LLGL1: variants seen among roughly 807,000 people sequenced by gnomAD.
The protein encoded by LLGL1 is LLGL scribble cell polarity complex component 1.
A neutral mutation model predicts 110.6 loss-of-function variants in LLGL1; 58 were observed. The observed-to-expected ratio is 0.52, with a 90% confidence interval of 0.42 to 0.65. The LOEUF (loss-of-function observed/expected upper bound fraction) is 0.65, where lower values mean the gene tolerates loss of function less well. Among genes scored for constraint, LLGL1 ranks in the 30% least tolerant of loss-of-function variants. LLGL1 has a pLI of 0.00. For synonymous variants in LLGL1, 674 were observed against 607.2 expected, an observed-to-expected ratio of 1.11 and a Z score of -1.62; for missense variants, 1,229 against 1,462.1, an observed-to-expected ratio of 0.84 and a Z score of 2.60.
rs747293622 is a variant in LLGL1, at chr17:18,238,510, A to G, written c.2107A>G (p.Met703Val). The change falls in exon 16 of 23, where the codon ATG becomes GTG. Residue 703 changes from methionine to valine, a missense_variant. Physicochemically the swap from Met to Val is conservative, Grantham distance 21. Transcript: ENST00000316843. ...GCAGGCCTGCCCCCACGACGTGGAG[A>G]TGACGCCCGTGCAGCGCCGCATTGA... ...AEQACPHDVE[M>V]TPVQRRIEPR... 5 of 1,612,482 alleles carry G rather than the reference A, an allele frequency of 3.1e-6. No homozygotes were observed. Among genetic ancestry groups the G allele is most frequent in the Non-Finnish European group, 3.4e-6 (4 of 1,180,006 alleles).
At position 18,225,716 on chromosome 17, in the gene LLGL1, G is replaced by T; in HGVS notation, c.34G>T (p.Asp12Tyr). Residue 12 changes from aspartate (D) to tyrosine (Y), a missense_variant, in exon 1 of 23, where the codon GAC (aspartate) becomes TAC (tyrosine). Transcript: ENST00000316843. Reference protein sequence around the residue: ...MKFRFRRQGADPQREKLKQEL... With the variant: ...MKFRFRRQGAYPQREKLKQEL... ...GTTTCGGTTCCGGCGGCAGGGCGCC[G>T]ACCCGCAGCGCGAGAAGCTCAAGCA... 2 of 1,049,360 alleles carry T rather than the reference G, an allele frequency of 1.9e-6. No homozygotes were observed. Among genetic ancestry groups the T allele is most frequent in the South Asian group, 2.7e-5 (1 of 36,894 alleles). 65.0% of individuals were successfully genotyped at this position (1,049,360 alleles called of 1,614,324 possible).
chr17:18,242,896 G>A lies in LLGL1; in HGVS notation c.*1+74G>A, dbSNP rs1249248621. On this transcript the variant is annotated intron_variant, in intron 22 of 22. Coordinates refer to ENST00000316843, the MANE Select transcript of LLGL1 (RefSeq NM_004140.4). ...CCTTCAGCCCGTCTGGGTACCATTT[G>A]GCCCTGGTCTTCTACCTGAGACCCT... is the stretch of plus-strand genomic sequence containing the variant. The A allele has an allele frequency of 2.2e-5, 31 of 1,387,484 alleles. No individual in the cohort carries two copies. The South Asian group carries it at 2.8e-4, about 12-fold the overall frequency. 85.9% of individuals were successfully genotyped at this position (1,387,484 alleles called of 1,614,324 possible).
chr17:18,238,743 A>C, intron 16 of LLGL1, 134 bp downstream of exon 16: 3 of 898,016 alleles, frequency 3.3e-6, no homozygotes, highest in Non-Finnish European at 5.1e-6. Flanking sequence ...ACGGTGGCTC[A>C]AGCCTGTGAG....
In LLGL1 at chr17:18,238,200, A is replaced by G. The variant is rs2047739649; in HGVS notation, c.2038A>G (p.Asn680Asp). The change falls in exon 15 of 23, where the codon AAT (asparagine) becomes GAT (aspartate). Residue 680 changes from asparagine (N) to aspartate (D), a missense_variant. Asn to Asp is a conservative substitution (Grantham distance 23). Transcript: ENST00000316843. ...SRVSGKKRAA[N>D]ASSKLQEANA... is the part of the protein sequence containing the mutation. ...TGTCTCTGGCAAGAAGCGGGCTGCT[A>G]ATGCCAGCAGCAAGGTGAGCTGGGG... 6.2e-7 allele frequency: 1 copy of G among 1,611,602 alleles called. No homozygotes were observed. The highest frequency in any genetic ancestry group is 8.5e-7 in the Non-Finnish European group (1 of 1,180,018).
intron 20 of LLGL1, 23 bp from the exon 21 acceptor site, chr17:18,242,485 G>T: frequency 6.2e-7 from 1 of 1,613,660 alleles, no homozygotes; most frequent in African/African-American, 1.3e-5. Flanking sequence ...TCCTGGTAGG[G>T]GCTGATGACT....
At chr17:18,237,899 C>A in intron 14 of LLGL1, 126 bp downstream of exon 14, 1 of 1,295,510 alleles carries the variant, frequency 7.7e-7, no homozygotes, top group Non-Finnish European at 1.1e-6. Flanking sequence ...AAGAAATAAC[C>A]TGGCAGCTCC....
chr17:18,237,410 T>A, intron 13 of LLGL1, 71 bp from the exon 14 acceptor site: 1 of 1,427,990 alleles, frequency 7.0e-7, no homozygotes, highest in Non-Finnish European at 9.3e-7. Flanking sequence ...CTTCAGAGGC[T>A]CCAGGCTGAG....
chr17:18,227,806 C>T (rs60814048), intron 1 of LLGL1, among the ~76,000 whole-genome samples: 5,267 of 152,238 alleles, frequency 0.035, 272 homozygotes, highest in African/African-American at 0.11. Flanking sequence ...AAGGGCCCTC[C>T]GCTGAGGATG....
chr17:18,236,112 C>T (rs999577914), intron 11 of LLGL1: 4 of 179,878 alleles, frequency 2.2e-5, no homozygotes, highest in South Asian at 2.5e-4. Context: ...CCCAAGGCTG[C>T]GCCCTAGATT....
At position 18,232,634 on chromosome 17, in the gene LLGL1, CT is replaced by C. The variant is rs1292103694; in HGVS notation, c.262-37del. The C allele has an allele frequency of 3.1e-6, 5 of 1,613,880 alleles. No homozygotes were observed. In the African/African-American group the frequency reaches 5.3e-5, roughly 17 times the overall value. On this transcript the variant is annotated intron_variant, in intron 3 of 22. Transcript: ENST00000316843. ...GTGGCCCCCATATCTACTCATCCCC[CT>C]AGGCCAGCCTAGTTTTCATCTCTGC...
In LLGL1 at chr17:18,241,530, C is replaced by T. The variant is rs746164885; in HGVS notation, c.2582C>T (p.Ala861Val). 1 of 1,613,846 alleles carries T rather than the reference C, an allele frequency of 6.2e-7. No homozygotes were observed. The highest frequency in any genetic ancestry group is 1.1e-5 in the South Asian group (1 of 91,090). ...GAGGGCTGTCGTGTGCGCAAGGTGG[C>T]ACTGGCCACGTTTGCCAGTGTGGCC... is the stretch of plus-strand genomic sequence containing the variant. Reference protein sequence around the residue: ...AHEGCRVRKVALATFASVACE... With the variant: ...AHEGCRVRKVVLATFASVACE... Residue 861 changes from alanine to valine, a missense_variant, in exon 18 of 23, where the codon GCA becomes GTA. Coordinates refer to ENST00000316843, the MANE Select transcript of LLGL1 (RefSeq NM_004140.4).
intron 1 of LLGL1, among the ~76,000 whole-genome samples, chr17:18,227,722 G>A (rs971063650): frequency 1.3e-5 from 2 of 152,234 alleles, no homozygotes; most frequent in African/African-American, 2.4e-5. Flanking sequence ...GTGAATTGGG[G>A]TGTGCAGTGG....
intron 4 of LLGL1, among the ~76,000 whole-genome samples, chr17:18,233,535 G>GTCTGCA (rs2047616191): frequency 6.6e-6 from 1 of 152,144 alleles, no homozygotes; most frequent in African/African-American, 2.4e-5. Flanking sequence ...TGGGTGGGAG[G>GTCTGCA]AGCTGGGAGC....
chr17:18,235,617 G>T (rs1162871697), intron 11 of LLGL1, 80 bp downstream of exon 11: 2 of 1,431,560 alleles, frequency 1.4e-6, no homozygotes, highest in East Asian at 4.6e-5. Flanking sequence ...GGGTGCAGAG[G>T]TGCCAGGAGA....
At position 18,242,805 on chromosome 17, in the gene LLGL1, C is replaced by T. The variant is rs918103135; in HGVS notation, c.3179C>T (p.Ala1060Val). The change falls in exon 22 of 23, where the codon GCC becomes GTC. Residue 1060 changes from alanine (A) to valine (V), a missense_variant. Physicochemically the swap from Ala to Val is moderately conservative, Grantham distance 64. Transcript: ENST00000316843. ...GCAGAAGACGAGGCCCACGCCTGTG[C>T]CATCCTGATCAAATGAGGTGCTGCA... Reference protein sequence around the residue: ...NLAEDEAHACAILIK With the variant: ...NLAEDEAHACVILIK The T allele has an allele frequency of 6.4e-7, 1 of 1,556,322 alleles. No homozygotes were observed. The highest frequency in any genetic ancestry group is 8.7e-7 in the Non-Finnish European group (1 of 1,149,982).
chr17:18,229,382 C>G (rs118000689), intron 1 of LLGL1, among the ~76,000 whole-genome samples: 2,867 of 152,264 alleles, frequency 0.019, 53 homozygotes, highest in Non-Finnish European at 0.031. Context: ...CTCTCTGGGC[C>G]TCTGTCTCCC....
At chr17:18,239,114 C>G (rs184506354) in intron 16 of LLGL1, among the ~76,000 whole-genome samples, 9 of 152,260 alleles carry the variant, frequency 5.9e-5, no homozygotes, top group African/African-American at 2.2e-4. Context: ...CTGGGTGGGC[C>G]TCTCAGATCT....
chr17:18,238,311 C>A, intron 15 of LLGL1, 97 bp downstream of exon 15: 1 of 1,581,006 alleles, frequency 6.3e-7, no homozygotes, highest in Non-Finnish European at 8.6e-7. Flanking sequence ...CTCAGTGCTC[C>A]TCCCTCGGCA....
chr17:18,226,351 C>T (rs1052576930), intron 1 of LLGL1, among the ~76,000 whole-genome samples: 3 of 152,152 alleles, frequency 2.0e-5, no homozygotes, highest in Admixed American at 6.5e-5. Context: ...CCCTGCTCGG[C>T]CCTTGGGACA....
Sources: allele counts gnomAD v4.1 joint callset (sites outside exome capture counted in the v4.1 genomes callset), GRCh38; gene constraint gnomAD v4.1.1; transcripts MANE v1.5; gene names NCBI Gene and HGNC (gene_info 2026-07-23, HGNC 2026-07-21).